The following BDH1 variants were observed in gnomAD, a reference collection of about 807,000 sequenced individuals.
BDH1 encodes 3-hydroxybutyrate dehydrogenase 1.
BDH1 carries 30 observed loss-of-function variants against 33.1 expected under a neutral mutation model. The observed-to-expected ratio is 0.91, with a 90% CI of 0.68 to 1.23. The LOEUF is 1.23. BDH1 is among the 50% of genes most tolerant of loss of function. The pLI is 0.00. For missense variants in BDH1, 443 were observed against 464.4 expected (o/e 0.95, Z 0.42); for synonymous variants, 190 against 183.6 (o/e 1.03, Z -0.28).
Position 197,510,706 on chromosome 3 carries a change from T to TACATGTGTGTAAG in BDH1, c.*1188_*1189insCTTACACACATGT. ...TAAGGTGTGTGTGTGTGTGTGTGTGTGTGTGTGTGTGTACATGTGTGTAAG... is the reference window on the plus strand; with the variant it reads ...TAAGGTGTGTGTGTGTGTGTGTGTGTACATGTGTGTAAGGTGTGTGTGTGTACATGTGTGTAAG... On this transcript the variant is annotated 3_prime_UTR_variant, in exon 8 of 8. Transcript: ENST00000392379. The TACATGTGTGTAAG allele has an allele frequency of 8.5e-6, 1 of 117,770 alleles. No individual in the cohort carries two copies. Among genetic ancestry groups the TACATGTGTGTAAG allele is most frequent in the Non-Finnish European group, 1.7e-5 (1 of 58,046 alleles). 7.3% of individuals were successfully genotyped at this position (117,770 alleles called of 1,614,324 possible). A position where few individuals can be genotyped will look rare whatever the true frequency, so the allele number is the denominator to read the frequency against.
At chr3:197,566,332 C>A (rs1198902221) in intron 1 of BDH1, among the ~76,000 whole-genome samples, 1 of 152,180 alleles carries the variant, frequency 6.6e-6, no homozygotes, top group Non-Finnish European at 1.5e-5. Flanking sequence ...TGCTGTGATA[C>A]CTTTGTCTAC....
At position 197,526,750 on chromosome 3, in the gene BDH1, T is replaced by C. The variant is rs2108732994; in HGVS notation, c.268-3969A>G. ...TAGCCCTCTCCCGACCAGCTCTCCGTGCTCCGCTCCCAGACGAGCCACTCC... is the reference window on the plus strand; with the variant it reads ...TAGCCCTCTCCCGACCAGCTCTCCGCGCTCCGCTCCCAGACGAGCCACTCC... On this transcript the variant is annotated intron_variant, in intron 5 of 7. Coordinates refer to ENST00000392379, the MANE Select transcript of BDH1 (RefSeq NM_203314.3). The surrounding 1 kb of genome is among the most constrained non-coding windows in gnomAD (Gnocchi z 4.7). Among the ~76,000 whole-genome samples, 1 of 152,344 alleles carries C rather than the reference T, an allele frequency of 6.6e-6. No individual in the cohort carries two copies. Among genetic ancestry groups the C allele is most frequent in the East Asian group, 1.9e-4 (1 of 5,194 alleles).
intron 3 of BDH1, 197 bp downstream of exon 3, chr3:197,546,164 G>T: frequency 1.9e-6 from 1 of 537,702 alleles, no homozygotes; most frequent in Non-Finnish European, 3.4e-6. Flanking sequence ...GGTTATGAAA[G>T]ATATTCCTTT....
intron 1 of BDH1, among the ~76,000 whole-genome samples, chr3:197,566,658 C>T (rs1365428470): frequency 2.0e-5 from 3 of 152,152 alleles, no homozygotes; most frequent in African/African-American, 7.2e-5. Flanking sequence ...TTCTTTAGTA[C>T]AAACGGGAAA....
At chr3:197,548,037 C>T (rs1471631114) in intron 2 of BDH1, among the ~76,000 whole-genome samples, 2 of 152,204 alleles carry the variant, frequency 1.3e-5, no homozygotes, top group Non-Finnish European at 2.9e-5. Flanking sequence ...ACCTGGTTCA[C>T]CACCAAATCC....
In BDH1 at chr3:197,515,226, TCTC is replaced by T. The variant is rs1314305093; in HGVS notation, c.410-813_410-811del. On this transcript the variant is annotated intron_variant, in intron 6 of 7. Transcript: ENST00000392379. ...CTTCATTCACTGCCCTCTGGTGCCT[TCTC>T]CTTCAATTATGGAGAATTAAGGGCA... 11 of 950,560 alleles carry T rather than the reference TCTC, an allele frequency of 1.2e-5. No individual in the cohort carries two copies. In the African/African-American group the frequency reaches 1.4e-4, roughly 12 times the overall value. 58.9% of individuals were successfully genotyped at this position (950,560 alleles called of 1,614,324 possible). A position where few individuals can be genotyped will look rare whatever the true frequency, so the allele number is the denominator to read the frequency against.
In BDH1 at chr3:197,514,109, C is replaced by A; in HGVS notation, c.562+155G>T. On this transcript the variant is annotated intron_variant, in intron 7 of 7. Transcript: ENST00000392379. The surrounding 1 kb of genome is among the most constrained non-coding windows in gnomAD (Gnocchi z 4.2). ...ACCCGGCCACAGCCCCTCTGCCCAC[C>A]ATCACCCCAGGCCCAGCATAGTCCC... 1 of 1,038,122 alleles carries A rather than the reference C, an allele frequency of 9.6e-7. No homozygotes were observed. The allele number at this position is 1,038,122 out of a possible 1,614,324, so 64.3% of individuals were successfully genotyped here.
chr3:197,511,522 A>G lies in BDH1; in HGVS notation c.*373T>C. The G allele has an allele frequency of 3.9e-6, 1 of 254,988 alleles. No homozygotes were observed. The highest frequency in any genetic ancestry group is 5.1e-5 in the Admixed American group (1 of 19,548). The allele number at this position is 254,988 out of a possible 1,614,324, so 15.8% of individuals were successfully genotyped here. A position where few individuals can be genotyped will look rare whatever the true frequency, so the allele number is the denominator to read the frequency against. Reference sequence around the variant, plus strand: ...TTCATGCATCCTCTTTAAGCTGCAAATGCTTCATTTACAAAAGAAAAAAAC... The same window carrying G: ...TTCATGCATCCTCTTTAAGCTGCAAGTGCTTCATTTACAAAAGAAAAAAAC... On this transcript the variant is annotated 3_prime_UTR_variant, in exon 8 of 8. Coordinates refer to ENST00000392379, the MANE Select transcript of BDH1 (RefSeq NM_203314.3).
At chr3:197,527,524 C>T (rs762069729) in intron 5 of BDH1, among the ~76,000 whole-genome samples, 1 of 152,170 alleles carries the variant, frequency 6.6e-6, no homozygotes, top group Non-Finnish European at 1.5e-5. Context: ...CCCCATTTCG[C>T]AGGGAGCCCC....
chr3:197,549,094 G>A (rs1400173421), intron 2 of BDH1, among the ~76,000 whole-genome samples: 1 of 152,120 alleles, frequency 6.6e-6, no homozygotes, highest in Non-Finnish European at 1.5e-5. Context: ...TTTAGTTTGG[G>A]AACAGAAATG....
intron 1 of BDH1, among the ~76,000 whole-genome samples, chr3:197,566,722 T>C (rs890740756): frequency 6.6e-6 from 1 of 152,256 alleles, no homozygotes; most frequent in African/African-American, 2.4e-5. Flanking sequence ...TGTTAGATTC[T>C]AGTCTTGCCT....
Position 197,514,517 on chromosome 3 carries a change from C to G in BDH1, c.410-101G>C. ...CCTCCTCTCTGCTTCTTTCCTGTGA[C>G]TTCCCAGCCTCTCGCCCAGTGCTCT... On this transcript the variant is annotated intron_variant, in intron 6 of 7. Transcript: ENST00000392379. This position sits in a 1 kb window ranked among gnomAD's most constrained non-coding sequence, Gnocchi z 4.2. 7.4e-7 allele frequency: 1 copy of G among 1,345,730 alleles called. No homozygotes were observed. The highest frequency in any genetic ancestry group is 1.5e-5 in the African/African-American group (1 of 67,452). The allele number at this position is 1,345,730 out of a possible 1,614,324, so 83.4% of individuals were successfully genotyped here.
chr3:197,538,527 T>C (rs1715340377), intron 3 of BDH1: 2 of 371,172 alleles, frequency 5.4e-6, no homozygotes, highest in Non-Finnish European at 1.1e-5. Context: ...AATTTTTGTA[T>C]TTTTAGTAGA....
upstream of BDH1, among the ~76,000 whole-genome samples, chr3:197,557,533 C>A (rs1269510122): frequency 6.6e-6 from 1 of 152,134 alleles, no homozygotes; most frequent in Non-Finnish European, 1.5e-5. This position sits in a 1 kb window ranked among gnomAD's most constrained non-coding sequence, Gnocchi z 4.6. Flanking sequence ...TCACTTTAGG[C>A]CAGGAGTTTG....
intron 3 of BDH1, among the ~76,000 whole-genome samples, chr3:197,536,141 T>G (rs575682750): frequency 6.6e-6 from 1 of 152,358 alleles, no homozygotes; most frequent in East Asian, 1.9e-4. Flanking sequence ...CTAAGTTTTG[T>G]GTCCATTTGC....
chr3:197,558,238 G>A (rs531172355), upstream of BDH1, among the ~76,000 whole-genome samples: 26 of 152,240 alleles, frequency 1.7e-4, no homozygotes, highest in East Asian at 3.9e-3. Flanking sequence ...GGTATTCTGC[G>A]TCTCTGGCAC....
rs1399871627 is a variant in BDH1, at chr3:197,512,987, T to C, written c.563-623A>G. ...CAGGACCCGTGCTGTTAGGCCCAACTCCCCAACTCCATTCCACCCTGGTAG... is the reference window on the plus strand; with the variant it reads ...CAGGACCCGTGCTGTTAGGCCCAACCCCCCAACTCCATTCCACCCTGGTAG... On this transcript the variant is annotated intron_variant, in intron 7 of 7. Transcript: ENST00000392379. Among the ~76,000 whole-genome samples the C allele has an allele frequency of 2.0e-5, 3 of 152,002 alleles. No individual in the cohort carries two copies. The South Asian group carries it at 6.2e-4, about 32-fold the overall frequency.
At chr3:197,513,848 T>C (rs2686068) in intron 7 of BDH1, among the ~76,000 whole-genome samples, 56,156 of 152,116 alleles carry the variant, frequency 0.37, 11,168 homozygotes, top group Non-Finnish European at 0.45. Flanking sequence ...TTTTTACTAT[T>C]GTTCCCTAAT....
chr3:197,548,711 C>T (rs746526488), intron 2 of BDH1, among the ~76,000 whole-genome samples: 7 of 152,044 alleles, frequency 4.6e-5, no homozygotes, highest in Non-Finnish European at 1.0e-4. Context: ...AATAGCCAGG[C>T]GTGGTGGCGG....
Sources: allele counts gnomAD v4.1 joint callset (sites outside exome capture counted in the v4.1 genomes callset), GRCh38; gene constraint gnomAD v4.1.1; non-coding constraint Gnocchi (gnomAD v3.1); transcripts MANE v1.5; gene names NCBI Gene and HGNC (gene_info 2026-07-23, HGNC 2026-07-21).